Variants in DCC observed in about 807,000 individuals in gnomAD.
The protein encoded by DCC is DCC netrin 1 receptor.
Under a neutral mutation model 172.5 loss-of-function variants are expected in DCC, and 58 were observed. The ratio of observed to expected loss-of-function variants is 0.34; its 90% CI spans 0.27 to 0.42. DCC has a LOEUF of 0.42. Ranked by LOEUF, DCC falls within the 10% of genes least tolerant of loss-of-function variation. DCC has a pLI of 1.00. For synonymous variants in DCC, 709 were observed against 644.5 expected, an observed-to-expected ratio of 1.10 and a Z score of -1.52; for missense variants, 1,740 against 1,791.0, an observed-to-expected ratio of 0.97 and a Z score of 0.51.
chr18:53,305,532 G>C, intron 12 of DCC, 46 bp from the exon 13 acceptor site: 1 of 1,535,562 alleles, frequency 6.5e-7, no homozygotes, highest in Non-Finnish European at 9.0e-7. Context: ...CTGTCCCATT[G>C]TCCTTTCTTT....
chr18:52,948,002 AAAT>A (rs2040575814), intron 5 of DCC, among the ~76,000 whole-genome samples: 1 of 152,220 alleles, frequency 6.6e-6, no homozygotes, highest in Non-Finnish European at 1.5e-5. Context: ...ACCATTTAAA[AAAT>A]ACATTATCAT....
At chr18:52,873,987 A>G (rs988220516) in intron 2 of DCC, among the ~76,000 whole-genome samples, 2 of 152,214 alleles carry the variant, frequency 1.3e-5, no homozygotes, top group African/African-American at 4.8e-5. Flanking sequence ...TCTCTTACCC[A>G]GGCTTCATTC....
At chr18:52,588,058 A>T (rs952780945) in intron 1 of DCC, among the ~76,000 whole-genome samples, 1 of 152,214 alleles carries the variant, frequency 6.6e-6, no homozygotes, top group Admixed American at 6.5e-5. Context: ...CATGACAGGC[A>T]GTTCAGGTTG....
chr18:52,790,021 T>C (rs746638444), intron 2 of DCC, among the ~76,000 whole-genome samples: 1 of 152,136 alleles, frequency 6.6e-6, no homozygotes, highest in African/African-American at 2.4e-5. Context: ...AACACTGTCA[T>C]TGATAGATCA....
rs2036685672 is a variant in DCC, at chr18:52,733,951, T to C, written c.92-18103T>C. On this transcript the variant is annotated intron_variant, in intron 1 of 28. Coordinates refer to ENST00000442544, the MANE Select transcript of DCC (RefSeq NM_005215.4). ...ATTTCAGAAATAGAAATGTATATTC[T>C]ATATTTCAATATAATTAATTCTGTT... 2.0e-5 allele frequency among the ~76,000 whole-genome samples: 3 copies of C among 152,196 alleles called. No individual in the cohort carries two copies. In the South Asian group the frequency reaches 6.2e-4, roughly 31 times the overall value.
intron 1 of DCC, among the ~76,000 whole-genome samples, chr18:52,677,585 T>A (rs1189631319): frequency 1.3e-5 from 2 of 152,140 alleles, no homozygotes; most frequent in Non-Finnish European, 2.9e-5. Context: ...AACTCATCTC[T>A]TACTGGTAAA....
chr18:53,521,386 C>T (rs1283362803), intron 27 of DCC, among the ~76,000 whole-genome samples: 1 of 152,078 alleles, frequency 6.6e-6, no homozygotes, highest in African/African-American at 2.4e-5. Context: ...GTATGATACA[C>T]ATAGTGCAAT....
chr18:52,502,356 G>T (rs2031053879), intron 1 of DCC, among the ~76,000 whole-genome samples: 1 of 152,156 alleles, frequency 6.6e-6, no homozygotes, highest in South Asian at 2.1e-4. Context: ...AATTATTTCT[G>T]TTTCCTTGGG....
At chr18:52,571,784 TTGGGAAAC>T (rs1215205690) in intron 1 of DCC, among the ~76,000 whole-genome samples, 45 of 152,164 alleles carry the variant, frequency 3.0e-4, no homozygotes, top group African/African-American at 1.1e-3. Flanking sequence ...CTGCAATCCC[TTGGGAAAC>T]TGGTTCGGTT....
intron 1 of DCC, among the ~76,000 whole-genome samples, chr18:52,515,871 G>A (rs2031621318): frequency 7.5e-6 from 1 of 132,776 alleles, no homozygotes; most frequent in South Asian, 2.5e-4. Context: ...CTACTATGTA[G>A]ATTATATAAG....
intron 5 of DCC, among the ~76,000 whole-genome samples, chr18:52,974,606 T>C (rs929156695): frequency 1.3e-5 from 2 of 152,206 alleles, no homozygotes; most frequent in African/African-American, 2.4e-5. Flanking sequence ...GCTCTGAGAA[T>C]ATATGAGAAT....
At position 52,467,757 on chromosome 18, in the gene DCC, G is replaced by A. The variant is rs552887909; in HGVS notation, c.91+126879G>A. ...TCTTCATTCTAACTGGCATGAGATG[G>A]TATCTCATTGGGGGTTTGATTTGCA... On this transcript the variant is annotated intron_variant, in intron 1 of 28. Transcript: ENST00000442544. 3.3e-5 allele frequency among the ~76,000 whole-genome samples: 5 copies of A among 152,216 alleles called. No homozygotes were observed. In the East Asian group the frequency reaches 9.7e-4, roughly 29 times the overall value.
At chr18:53,160,578 T>C (rs757525976) in intron 8 of DCC, among the ~76,000 whole-genome samples, 9 of 152,198 alleles carry the variant, frequency 5.9e-5, no homozygotes, top group Non-Finnish European at 8.8e-5. Flanking sequence ...TAGCTGAATA[T>C]AGCTAGATGG....
At chr18:53,336,056 C>G (rs1284485843) in intron 14 of DCC, among the ~76,000 whole-genome samples, 3 of 152,146 alleles carry the variant, frequency 2.0e-5, no homozygotes, top group Non-Finnish European at 4.4e-5. Context: ...GGTGGGAACA[C>G]AACCAAACCA....
chr18:52,577,265 G>A (rs1377023529), intron 1 of DCC, among the ~76,000 whole-genome samples: 3 of 152,174 alleles, frequency 2.0e-5, no homozygotes, highest in African/African-American at 7.2e-5. Context: ...CTGATGGAAG[G>A]GTAATGATAT....
intron 25 of DCC, among the ~76,000 whole-genome samples, chr18:53,468,358 A>ATTTATTTATTTAT (rs1568151551): frequency 3.6e-5 from 1 of 27,792 alleles, no homozygotes; most frequent in Non-Finnish European, 8.4e-5. Context: ...TTATTTATTT[A>ATTTATTTATTTAT]TTTATTTTAT....
chr18:53,212,790 C>G (rs902433195), intron 11 of DCC, among the ~76,000 whole-genome samples: 2 of 152,090 alleles, frequency 1.3e-5, no homozygotes, highest in East Asian at 3.9e-4. Flanking sequence ...CCTGCCTCAA[C>G]CTCTGGAGTA....
intron 2 of DCC, among the ~76,000 whole-genome samples, chr18:52,882,281 G>A (rs1027041698): frequency 6.7e-6 from 1 of 149,914 alleles, no homozygotes; most frequent in African/African-American, 2.4e-5. Context: ...TTCTTTATAG[G>A]GATCCTTTAG....
chr18:52,849,540 T>C (rs1216962979), intron 2 of DCC, among the ~76,000 whole-genome samples: 4 of 152,172 alleles, frequency 2.6e-5, no homozygotes, highest in Non-Finnish European at 4.4e-5. Context: ...GAAGAGAGTA[T>C]TGGAAACAAC....
Sources: allele counts gnomAD v4.1 joint callset (sites outside exome capture counted in the v4.1 genomes callset), GRCh38; gene constraint gnomAD v4.1.1; transcripts MANE v1.5; gene names NCBI Gene and HGNC (gene_info 2026-07-23, HGNC 2026-07-21).